Variants in DLGAP1 observed in about 807,000 individuals in gnomAD.
The protein encoded by DLGAP1 is disks large-associated protein 1.
In DLGAP1, 11 loss-of-function variants were observed where a neutral mutation model predicts 90.8. The ratio of observed to expected loss-of-function variants is 0.12; its 90% confidence interval spans 0.08 to 0.20. DLGAP1 has a LOEUF of 0.20. Among genes scored for constraint, DLGAP1 ranks in the 10% least tolerant of loss-of-function variants. The pLI is 1.00. For missense variants in DLGAP1, 1,050 were observed against 1,333.8 expected (o/e 0.79, Z 3.31); for synonymous variants, 558 against 540.7 (o/e 1.03, Z -0.44).
chr18:3,629,468 G>T (rs1334931498), intron 7 of DLGAP1, among the ~76,000 whole-genome samples: 1 of 151,936 alleles, frequency 6.6e-6, no homozygotes, highest in Non-Finnish European at 1.5e-5. Flanking sequence ...TCAGGAGATC[G>T]AGACCATCCT....
At chr18:4,355,879 T>C (rs900377442) in intron 1 of DLGAP1, among the ~76,000 whole-genome samples, 4 of 149,940 alleles carry the variant, frequency 2.7e-5, no homozygotes, top group African/African-American at 9.7e-5. Context: ...CTTCTGCTTT[T>C]TTAATAGAAA....
At chr18:3,877,996 T>G (rs2071047051) in intron 4 of DLGAP1, among the ~76,000 whole-genome samples, 1 of 152,176 alleles carries the variant, frequency 6.6e-6, no homozygotes, top group South Asian at 2.1e-4. Flanking sequence ...GCTTGGGGTC[T>G]TCTCAGGGAT....
At chr18:3,876,378 C>G (rs145808651) in intron 4 of DLGAP1, among the ~76,000 whole-genome samples, 1,985 of 152,188 alleles carry the variant, frequency 0.013, 26 homozygotes, top group South Asian at 0.076. Context: ...TACTACCTCC[C>G]AACATTGAAA....
intron 1 of DLGAP1, among the ~76,000 whole-genome samples, chr18:4,263,100 ATTT>A (rs1056628939): frequency 4.1e-4 from 63 of 151,962 alleles, no homozygotes; most frequent in African/African-American, 1.5e-3. Context: ...CGTCCAGCTA[ATTT>A]TTGTATTTTT....
chr18:4,441,840 C>T lies in DLGAP1; in HGVS notation c.-267+13166G>A, dbSNP rs142924680. ...TTTATTTGATTTCCATTTCACTCTA[C>T]GATTCTCGGATGCCAACCAATTGTC... On this transcript the variant is annotated intron_variant, in intron 1 of 12. Transcript: ENST00000315677. Among the ~76,000 whole-genome samples the T allele has an allele frequency of 3.9e-5, 6 of 152,270 alleles. No individual in the cohort carries two copies. In the East Asian group the frequency reaches 9.6e-4, roughly 24 times the overall value.
intron 3 of DLGAP1, among the ~76,000 whole-genome samples, chr18:3,900,878 T>C (rs1380623147): frequency 2.6e-5 from 4 of 152,168 alleles, no homozygotes; most frequent in African/African-American, 9.7e-5. Flanking sequence ...TTAAAAGATA[T>C]TCTGTCCAAG....
chr18:4,377,834 A>G (rs902747800), intron 1 of DLGAP1, among the ~76,000 whole-genome samples: 1 of 152,048 alleles, frequency 6.6e-6, no homozygotes, highest in African/African-American at 2.4e-5. Context: ...GTATTAATAA[A>G]GAGTATGTAC....
At chr18:3,706,427 T>C (rs1355668126) in intron 7 of DLGAP1, among the ~76,000 whole-genome samples, 1 of 152,206 alleles carries the variant, frequency 6.6e-6, no homozygotes, top group Non-Finnish European at 1.5e-5. Flanking sequence ...GGAACAGCAT[T>C]GATGTGCTTA....
chr18:4,181,985 C>G (rs1294435762), intron 1 of DLGAP1, among the ~76,000 whole-genome samples: 1 of 152,088 alleles, frequency 6.6e-6, no homozygotes, highest in Admixed American at 6.6e-5. Context: ...ATTTGCAGAT[C>G]CCCCTGCTCC....
At chr18:4,385,877 T>C (rs1418629409) in intron 1 of DLGAP1, among the ~76,000 whole-genome samples, 1 of 152,168 alleles carries the variant, frequency 6.6e-6, no homozygotes, top group African/African-American at 2.4e-5. Context: ...TGTTATGCTG[T>C]TGTTGAAATC....
At chr18:3,617,278 A>G (rs2057907018) in intron 7 of DLGAP1, among the ~76,000 whole-genome samples, 1 of 152,158 alleles carries the variant, frequency 6.6e-6, no homozygotes, top group African/African-American at 2.4e-5. Context: ...GAGCCCAATC[A>G]CCTGATCTTT....
intron 1 of DLGAP1, among the ~76,000 whole-genome samples, chr18:4,331,185 C>T (rs766560564): frequency 2.0e-5 from 3 of 151,782 alleles, no homozygotes; most frequent in African/African-American, 4.9e-5. Context: ...GCTTGTGTGG[C>T]ACACCAATTT....
At chr18:4,369,232 T>G (rs574085898) in intron 1 of DLGAP1, among the ~76,000 whole-genome samples, 1 of 152,330 alleles carries the variant, frequency 6.6e-6, no homozygotes, top group African/African-American at 2.4e-5. Flanking sequence ...TAAACCCGTG[T>G]GCACATATGT....
chr18:3,551,158 C>CATATATATATATATATATATAT (rs1275015577), intron 9 of DLGAP1, among the ~76,000 whole-genome samples: 39 of 7,804 alleles, frequency 5.0e-3, no homozygotes, highest in African/African-American at 5.1e-3. Flanking sequence ...ATATTATATA[C>CATATATATATATATATATATAT]ATATATATAT....
intron 1 of DLGAP1, among the ~76,000 whole-genome samples, chr18:4,445,495 T>C (rs935959575): frequency 7.5e-6 from 1 of 132,854 alleles, no homozygotes; most frequent in Admixed American, 9.1e-5. Context: ...CCCCTTCCTG[T>C]GTCCATGTGA....
intron 5 of DLGAP1, among the ~76,000 whole-genome samples, chr18:3,762,798 T>G (rs113737287): frequency 1.3e-5 from 2 of 152,312 alleles, no homozygotes; most frequent in South Asian, 4.2e-4. Context: ...ACTCCTCTTA[T>G]GTCAACATTT....
chr18:4,051,836 G>A (rs1305584805), intron 2 of DLGAP1, among the ~76,000 whole-genome samples: 1 of 152,210 alleles, frequency 6.6e-6, no homozygotes, highest in Non-Finnish European at 1.5e-5. Flanking sequence ...GTGGGGTACA[G>A]ACATTGGGTA....
chr18:4,186,979 C>T (rs559324508), intron 1 of DLGAP1, among the ~76,000 whole-genome samples: 46 of 152,040 alleles, frequency 3.0e-4, no homozygotes, highest in Non-Finnish European at 4.4e-4. Flanking sequence ...ACTCACACCT[C>T]GCTGATTAGC....
At chr18:4,350,722 T>G (rs909482893) in intron 1 of DLGAP1, among the ~76,000 whole-genome samples, 4 of 152,204 alleles carry the variant, frequency 2.6e-5, no homozygotes, top group Non-Finnish European at 4.4e-5. Context: ...TCCATTATAT[T>G]GTAGAGGTCT....
Sources: allele counts gnomAD v4.1 joint callset (sites outside exome capture counted in the v4.1 genomes callset), GRCh38; gene constraint gnomAD v4.1.1; transcripts MANE v1.5; gene names NCBI Gene and HGNC (gene_info 2026-07-23, HGNC 2026-07-21).